Variants in IFT140 observed in about 807,000 individuals in gnomAD.
IFT140 encodes intraflagellar transport protein 140 homolog.
A neutral mutation model predicts 164.6 loss-of-function variants in IFT140; 133 were observed. That is an observed-to-expected ratio of 0.81 (90% CI 0.70 to 0.93). IFT140 has a LOEUF of 0.93. IFT140 is among the 40% of genes least tolerant of loss of function. IFT140 has a pLI of 0.00. For missense variants in IFT140, 2,045 were observed against 1,972.3 expected (o/e 1.04, Z -0.70); for synonymous variants, 860 against 817.3 (o/e 1.05, Z -0.89).
intron 26 of IFT140, 138 bp downstream of exon 26, chr16:1,523,380 T>C: frequency 1.2e-6 from 1 of 848,046 alleles, no homozygotes; most frequent in South Asian, 1.7e-5. Context: ...ATGTGAAACC[T>C]AGGGCAGGGG....
intron 19 of IFT140, among the ~76,000 whole-genome samples, chr16:1,549,408 G>C (rs893777935): frequency 1.3e-5 from 2 of 152,228 alleles, no homozygotes; most frequent in Non-Finnish European, 2.9e-5. Flanking sequence ...GGCTCCAGAC[G>C]CACCCCAGGT....
At position 1,558,661 on chromosome 16, in the gene IFT140, C is replaced by T. The variant is rs191096549; in HGVS notation, c.2200-527G>A. Among the ~76,000 whole-genome samples, 8 of 152,316 alleles carry T rather than the reference C, an allele frequency of 5.3e-5. No individual in the cohort carries two copies. In the East Asian group the frequency reaches 1.2e-3, roughly 22 times the overall value. On this transcript the variant is annotated intron_variant, in intron 18 of 30. Transcript: ENST00000426508. ...GAGGGACCACTGGCCCTCCACGAGC[C>T]CCTCCAACTGCTTGCCTCTTCTTTA...
intron 17 of IFT140, among the ~76,000 whole-genome samples, chr16:1,563,195 G>A (rs1338418067): frequency 1.3e-5 from 2 of 152,046 alleles, no homozygotes; most frequent in African/African-American, 4.8e-5. Flanking sequence ...TCCCTGCTCT[G>A]GTGGTGGAGA....
intron 24 of IFT140, 52 bp downstream of exon 24, chr16:1,524,500 C>T: frequency 6.3e-7 from 1 of 1,595,884 alleles, no homozygotes; most frequent in Non-Finnish European, 8.5e-7. Context: ...ACTTGAAGCT[C>T]TCCTCAGGGG....
In IFT140 at chr16:1,551,776, G is replaced by C. The variant is rs892231164; in HGVS notation, c.2399+6159C>G. ...AGGCCACACCACACGTGCGTGGTCC[G>C]GCAGATCCGGCAAGATCAACTCTGC... On this transcript the variant is annotated intron_variant, in intron 19 of 30. Coordinates refer to ENST00000426508, the MANE Select transcript of IFT140 (RefSeq NM_014714.4). This position sits in a 1 kb window ranked among gnomAD's most constrained non-coding sequence, Gnocchi z 4.0. Among the ~76,000 whole-genome samples the C allele has an allele frequency of 6.6e-6, 1 of 152,188 alleles. No individual in the cohort carries two copies.
chr16:1,556,407 G>A (rs1289337786), intron 19 of IFT140, among the ~76,000 whole-genome samples: 2 of 152,372 alleles, frequency 1.3e-5, no homozygotes, highest in African/African-American at 2.4e-5. Context: ...GCCTGGGTGC[G>A]GCACTGCCTG....
chr16:1,593,716 G>A (rs1453733685), intron 4 of IFT140, among the ~76,000 whole-genome samples: 1 of 152,068 alleles, frequency 6.6e-6, no homozygotes, highest in African/African-American at 2.4e-5. Flanking sequence ...TTGGGGAGGA[G>A]GAGCATAAAG....
chr16:1,523,704 C>G lies in IFT140; in HGVS notation c.3271-4G>C. Reference sequence around the variant, plus strand: ...GGGCCTTGGAGAAGTGGCCAGCCTGCGGATACGGTGGGCTCTGAGCAGCTG... The same window carrying G: ...GGGCCTTGGAGAAGTGGCCAGCCTGGGGATACGGTGGGCTCTGAGCAGCTG... On this transcript the variant is annotated splice_polypyrimidine_tract_variant and splice_region_variant and intron_variant, in intron 25 of 30. Coordinates refer to ENST00000426508, the MANE Select transcript of IFT140 (RefSeq NM_014714.4). 6.2e-7 allele frequency: 1 copy of G among 1,612,592 alleles called. No homozygotes were observed. Among genetic ancestry groups the G allele is most frequent in the Non-Finnish European group, 8.5e-7 (1 of 1,179,452 alleles).
At chr16:1,549,146 G>A (rs1234945020) in intron 19 of IFT140, among the ~76,000 whole-genome samples, 4 of 152,244 alleles carry the variant, frequency 2.6e-5, no homozygotes, top group Admixed American at 6.5e-5. Flanking sequence ...TCTCACTGGC[G>A]TCCGAGGGCG....
intron 4 of IFT140, among the ~76,000 whole-genome samples, chr16:1,600,892 C>T (rs1361420231): frequency 6.8e-6 from 1 of 148,008 alleles, no homozygotes; most frequent in East Asian, 2.0e-4. Context: ...TCATGAAAGA[C>T]CAAAAAAAAA....
At chr16:1,592,653 GT>G in intron 4 of IFT140, 65 bp from the exon 5 acceptor site, 2 of 1,551,808 alleles carry the variant, frequency 1.3e-6, no homozygotes, top group Admixed American at 1.8e-5. Context: ...GGAGGGACAG[GT>G]GTCCTGGCAG....
intron 12 of IFT140, among the ~76,000 whole-genome samples, chr16:1,582,705 A>T (rs996066936): frequency 3.9e-5 from 6 of 152,258 alleles, no homozygotes; most frequent in Non-Finnish European, 7.3e-5. Context: ...GGAGTTCGAG[A>T]CCAGCCTGGC....
intron 19 of IFT140, among the ~76,000 whole-genome samples, chr16:1,537,771 G>A (rs151128677): frequency 2.0e-5 from 3 of 152,342 alleles, no homozygotes; most frequent in South Asian, 2.1e-4. Context: ...ACAGATGACC[G>A]TGTGATTGAA....
chr16:1,576,357 C>T (rs961022831), intron 13 of IFT140, among the ~76,000 whole-genome samples: 15 of 150,744 alleles, frequency 1.0e-4, no homozygotes, highest in Non-Finnish European at 1.3e-4. Context: ...TTTGGGAGGC[C>T]GAGGCGGGCA....
chr16:1,518,144 T>G (rs926541755), intron 30 of IFT140, 72 bp downstream of exon 30: 189 of 1,494,038 alleles, frequency 1.3e-4, no homozygotes, highest in Non-Finnish European at 1.6e-4. Flanking sequence ...AGCCTCAGTT[T>G]GAGCCGTTAA....
Position 1,518,332 on chromosome 16 carries a change from A to T in IFT140, c.4066T>A (p.Ser1356Thr), listed in dbSNP as rs2040424473. ...RRTYTEDPKE[S>T]IKQCELLLEE... ...AGGAGCAGCTCACACTGCTTGATGGACTCCTTGGGGTCCTCTGTGTACGTC... is the reference window on the plus strand; with the variant it reads ...AGGAGCAGCTCACACTGCTTGATGGTCTCCTTGGGGTCCTCTGTGTACGTC... Residue 1356 changes from serine to threonine, a missense_variant, in exon 30 of 31, where the codon TCC becomes ACC. Coordinates refer to ENST00000426508, the MANE Select transcript of IFT140 (RefSeq NM_014714.4). The T allele has an allele frequency of 1.2e-6, 2 of 1,613,172 alleles. No homozygotes were observed. Among genetic ancestry groups the T allele is most frequent in the South Asian group, 1.1e-5 (1 of 91,042 alleles).
At chr16:1,525,155 G>A (rs1206580206) in intron 22 of IFT140, 76 bp downstream of exon 22, 17 of 1,300,800 alleles carry the variant, frequency 1.3e-5, no homozygotes, top group Admixed American at 3.4e-5. Context: ...AAAGGGAGCC[G>A]TCTCAGCAAG....
At chr16:1,555,026 A>G (rs747961751) in intron 19 of IFT140, 1 of 1,607,110 alleles carries the variant, frequency 6.2e-7, no homozygotes, top group Non-Finnish European at 8.5e-7. Flanking sequence ...CACCATGCTG[A>G]GTCGCCCTTC....
At chr16:1,574,815 A>G (rs1236099735) in intron 13 of IFT140, among the ~76,000 whole-genome samples, 2 of 152,110 alleles carry the variant, frequency 1.3e-5, no homozygotes, top group Non-Finnish European at 2.9e-5. Context: ...TCCCTGAAAC[A>G]TACGCAGGGC....
Sources: gnomAD v4.1 joint callset for allele counts (sites outside exome capture counted in the v4.1 genomes callset) on GRCh38, gnomAD v4.1.1 for gene constraint, Gnocchi (gnomAD v3.1) non-coding constraint, MANE v1.5 for transcripts, NCBI Gene and HGNC (gene_info 2026-07-23, HGNC 2026-07-21) for gene names.